COLQ: variants seen among roughly 807,000 people sequenced by gnomAD.
The protein encoded by COLQ is collagen like tail subunit of asymmetric acetylcholinesterase.
Under a neutral mutation model 69.0 loss-of-function variants are expected in COLQ, and 48 were observed. The observed-to-expected ratio is 0.70, with a 90% CI of 0.55 to 0.88. COLQ has a LOEUF of 0.88. Ranked by LOEUF, COLQ falls within the 40% of genes least tolerant of loss-of-function variation. The pLI is 0.00. For missense variants in COLQ, 618 were observed against 594.6 expected, an observed-to-expected ratio of 1.04 and a Z score of -0.41; for synonymous variants, 217 against 211.2, an observed-to-expected ratio of 1.03 and a Z score of -0.24.
chr3:15,477,039 T>C, intron 6 of COLQ, 87 bp downstream of exon 6: 3 of 1,280,740 alleles, frequency 2.3e-6, no homozygotes, highest in Non-Finnish European at 2.2e-6. Flanking sequence ...AGGGATTCCC[T>C]GACTATGTGC....
chr3:15,460,621 C>T (rs1173554644), intron 12 of COLQ, among the ~76,000 whole-genome samples: 5 of 152,064 alleles, frequency 3.3e-5, no homozygotes, highest in Admixed American at 1.3e-4. Context: ...CTTTCCTGAG[C>T]GAGTTGACAG....
At chr3:15,517,963 T>A (rs2063084886) in intron 1 of COLQ, among the ~76,000 whole-genome samples, 1 of 152,120 alleles carries the variant, frequency 6.6e-6, no homozygotes, top group South Asian at 2.1e-4. Context: ...TTTGTTTTTT[T>A]AAACGAAGTT....
At chr3:15,482,488 T>C (rs1403124917) in intron 3 of COLQ, among the ~76,000 whole-genome samples, 2 of 152,214 alleles carry the variant, frequency 1.3e-5, no homozygotes, top group Non-Finnish European at 2.9e-5. Flanking sequence ...TTGTCTTTGG[T>C]TCTGTTTATA....
intron 3 of COLQ, among the ~76,000 whole-genome samples, chr3:15,485,993 C>A (rs2062566805): frequency 6.6e-6 from 1 of 152,130 alleles, no homozygotes; most frequent in African/African-American, 2.4e-5. Flanking sequence ...TAATAAATAG[C>A]AATCTCAGGG....
chr3:15,482,531 G>A (rs1044108002), intron 3 of COLQ, among the ~76,000 whole-genome samples: 1 of 152,112 alleles, frequency 6.6e-6, no homozygotes, highest in African/African-American at 2.4e-5. Context: ...TGCATATGTC[G>A]AACCAGCCTT....
rs199668253 is a variant in COLQ at position 15,469,661 on chromosome 3, T to TA, written c.717+874dup. On this transcript the variant is annotated intron_variant, in intron 11 of 16. Transcript: ENST00000383788. Reference sequence around the variant, plus strand: ...CTGCACATTAAAATCATATGGAGCTTAAAAAAAAATAACCAAACCCATGCT... The same window carrying TA: ...CTGCACATTAAAATCATATGGAGCTTAAAAAAAAAATAACCAAACCCATGCT... Among the ~76,000 whole-genome samples, 1,104 of 151,360 alleles carry TA rather than the reference T, an allele frequency of 7.3e-3. 20 individuals are homozygous for TA. The highest frequency in any genetic ancestry group is 0.025 in the African/African-American group (1,020 of 41,296).
At chr3:15,467,394 G>A (rs1038214779) in intron 11 of COLQ, among the ~76,000 whole-genome samples, 2 of 152,234 alleles carry the variant, frequency 1.3e-5, no homozygotes, top group Non-Finnish European at 2.9e-5. Context: ...GTGAAAATGT[G>A]GTTTGTACAG....
intron 1 of COLQ, among the ~76,000 whole-genome samples, chr3:15,507,900 G>T (rs918640260): frequency 8.6e-5 from 13 of 151,950 alleles, no homozygotes; most frequent in South Asian, 2.1e-4. Flanking sequence ...ATATAGGAAA[G>T]AAACACTTTA....
intron 1 of COLQ, chr3:15,498,838 G>T: frequency 7.0e-7 from 1 of 1,423,874 alleles, no homozygotes; most frequent in Non-Finnish European, 9.2e-7. Context: ...GGGAGGCTTG[G>T]AGGACAAGAG....
chr3:15,489,471 T>C, intron 2 of COLQ, 54 bp downstream of exon 2: 1 of 1,530,762 alleles, frequency 6.5e-7, no homozygotes, highest in Non-Finnish European at 9.1e-7. Flanking sequence ...GGCTGCGTGG[T>C]GTGCACTGAG....
chr3:15,497,587 A>T (rs987117321), intron 1 of COLQ, among the ~76,000 whole-genome samples: 8 of 152,166 alleles, frequency 5.3e-5, no homozygotes, highest in Non-Finnish European at 1.0e-4. Context: ...AGAGAATTAC[A>T]AGTGCAGCCA....
chr3:15,456,607 C>T, intron 13 of COLQ, 28 bp from the exon 14 acceptor site: 1 of 1,612,798 alleles, frequency 6.2e-7, no homozygotes, highest in East Asian at 2.2e-5. Flanking sequence ...GGTGAGGATT[C>T]CAGAAAACAC....
At chr3:15,458,379 A>C in intron 12 of COLQ, 54 bp from the exon 13 acceptor site, 2 of 1,606,886 alleles carry the variant, frequency 1.2e-6, no homozygotes, top group Non-Finnish European at 1.7e-6. Flanking sequence ...AAGACCAAAC[A>C]ACCAGGGAGA....
chr3:15,521,478 C>T (rs773186850), intron 1 of COLQ, 42 bp downstream of exon 1: 1 of 1,612,626 alleles, frequency 6.2e-7, no homozygotes, highest in South Asian at 1.1e-5. Context: ...TCCCCCTGTC[C>T]CCTGACAGAT....
chr3:15,467,407 C>T (rs996572393), intron 11 of COLQ, among the ~76,000 whole-genome samples: 6 of 152,192 alleles, frequency 3.9e-5, no homozygotes, highest in Admixed American at 2.6e-4. Context: ...TTGTACAGAA[C>T]GAAGAGCTAT....
At chr3:15,461,859 G>T (rs2062119554) in intron 12 of COLQ, among the ~76,000 whole-genome samples, 1 of 152,076 alleles carries the variant, frequency 6.6e-6, no homozygotes, top group Admixed American at 6.5e-5. Flanking sequence ...AACCTTGGAT[G>T]TAGGTATATA....
chr3:15,460,170 G>A (rs1206124040), intron 12 of COLQ, among the ~76,000 whole-genome samples: 1 of 152,200 alleles, frequency 6.6e-6, no homozygotes, highest in African/African-American at 2.4e-5. Flanking sequence ...TTGATCTCCA[G>A]TAGAATGTCG....
At chr3:15,508,109 C>A (rs2062935470) in intron 1 of COLQ, among the ~76,000 whole-genome samples, 1 of 151,918 alleles carries the variant, frequency 6.6e-6, no homozygotes, top group South Asian at 2.1e-4. Context: ...CCCAAGTTAC[C>A]CAAAAAATCT....
chr3:15,489,491 C>CT (rs763621361), intron 2 of COLQ, 34 bp downstream of exon 2: 50 of 1,606,014 alleles, frequency 3.1e-5, no homozygotes, highest in East Asian at 4.5e-5. Flanking sequence ...GTAGCCTGCA[C>CT]TTTTTTTCCT....
Sources: gnomAD v4.1 joint callset for allele counts (sites outside exome capture counted in the v4.1 genomes callset) on GRCh38, gnomAD v4.1.1 for gene constraint, MANE v1.5 for transcripts, NCBI Gene and HGNC (gene_info 2026-07-23, HGNC 2026-07-21) for gene names.